The following SEM1 variants were observed in gnomAD, a reference collection of about 807,000 sequenced individuals.
The protein encoded by SEM1 is 26S proteasome complex subunit SEM1.
Under a neutral mutation model 12.7 loss-of-function variants are expected in SEM1, and 3 were observed. The ratio of observed to expected loss-of-function variants is 0.24; its 90% CI spans 0.11 to 0.61. The LOEUF is 0.61. Ranked by LOEUF, SEM1 falls within the 20% of genes least tolerant of loss-of-function variation. The pLI, the probability that SEM1 is intolerant of heterozygous loss-of-function variation, is 0.88. For synonymous variants in SEM1, 30 were observed against 27.8 expected (o/e 1.08, Z -0.25); for missense variants, 59 against 81.3 (o/e 0.73, Z 1.06).
rs556093292 is a variant in SEM1, at chr7:96,505,856, G to C, written c.*60+767C>G. On this transcript the variant is annotated intron_variant and NMD_transcript_variant, in intron 3 of 3. Transcript: ENST00000466986. ...ACCTTGGGAATTAGGATTTCAACCT[G>C]TGAATTCTAGGGGGACACAAACATT... Among the ~76,000 whole-genome samples, 3 of 152,218 alleles carry C rather than the reference G, an allele frequency of 2.0e-5. No individual in the cohort carries two copies. In the East Asian group the frequency reaches 5.8e-4, roughly 29 times the overall value.
intron 2 of SEM1, among the ~76,000 whole-genome samples, chr7:96,572,883 G>A (rs181345089): frequency 8.5e-5 from 13 of 152,256 alleles, no homozygotes; most frequent in Admixed American, 6.5e-4. Flanking sequence ...ACAGTAGGGT[G>A]TTAAAGTCTC....
chr7:96,525,911 G>A (rs1451194039), intron 2 of SEM1, among the ~76,000 whole-genome samples: 1 of 152,130 alleles, frequency 6.6e-6, no homozygotes, highest in Non-Finnish European at 1.5e-5. Flanking sequence ...CTCAGTCCAT[G>A]GAAACATGGT....
At chr7:96,683,986 T>C (rs1349977265), downstream of SEM1, among the ~76,000 whole-genome samples, 2 of 152,026 alleles carry the variant, frequency 1.3e-5, no homozygotes, top group Non-Finnish European at 2.9e-5. Context: ...GTAACAAACT[T>C]GCACATTCTG....
intron 2 of SEM1, among the ~76,000 whole-genome samples, chr7:96,582,717 A>G (rs1486904410): frequency 6.6e-6 from 1 of 152,286 alleles, no homozygotes; most frequent in East Asian, 1.9e-4. Context: ...GCATGTGTCC[A>G]GAAATTTATC....
intron 2 of SEM1, among the ~76,000 whole-genome samples, chr7:96,690,059 T>C (rs1412384657): frequency 1.3e-5 from 2 of 152,158 alleles, no homozygotes; most frequent in Admixed American, 1.3e-4. Flanking sequence ...TAAAAGATTC[T>C]GATGATCACA....
chr7:96,582,641 A>C (rs1046958675), intron 2 of SEM1, among the ~76,000 whole-genome samples: 2 of 152,246 alleles, frequency 1.3e-5, no homozygotes, highest in Admixed American at 1.3e-4. Flanking sequence ...TTATTGCCAC[A>C]ATTTCAGCTC....
intron 3 of SEM1, among the ~76,000 whole-genome samples, chr7:96,502,812 G>A (rs1054446290): frequency 3.9e-5 from 6 of 152,168 alleles, no homozygotes; most frequent in Non-Finnish European, 7.4e-5. Context: ...ATTGTGCTTG[G>A]CACTGGCCAT....
chr7:96,674,121 GTTCT>G (rs1375883539), intron 2 of SEM1, among the ~76,000 whole-genome samples: 3 of 152,032 alleles, frequency 2.0e-5, no homozygotes, highest in Non-Finnish European at 2.9e-5. Flanking sequence ...ACAGAGTCCT[GTTCT>G]TTCTTTAAAA....
At chr7:96,592,394 T>G (rs573507659) in intron 2 of SEM1, among the ~76,000 whole-genome samples, 2 of 152,056 alleles carry the variant, frequency 1.3e-5, no homozygotes, top group Non-Finnish European at 2.9e-5. Flanking sequence ...GAGTCACTTG[T>G]ATGTACAATA....
chr7:96,652,712 A>G (rs1809040170), intron 2 of SEM1, among the ~76,000 whole-genome samples: 2 of 152,220 alleles, frequency 1.3e-5, no homozygotes, highest in East Asian at 1.9e-4. Context: ...AATGAAGTAC[A>G]GTTTTTCCCA....
intron 1 of SEM1, among the ~76,000 whole-genome samples, chr7:96,488,862 T>G (rs1802881201): frequency 6.6e-6 from 1 of 152,066 alleles, no homozygotes; most frequent in Admixed American, 6.5e-5. Context: ...GTAAAAGAAG[T>G]GGCAAGGGGA....
intron 2 of SEM1, among the ~76,000 whole-genome samples, chr7:96,577,747 G>A (rs996186381): frequency 6.6e-6 from 1 of 151,638 alleles, no homozygotes; most frequent in Non-Finnish European, 1.5e-5. Context: ...CTTTAAACTT[G>A]AGCTTCAAAA....
intron 1 of SEM1, chr7:96,708,317 G>C (rs1056387368): frequency 3.3e-5 from 5 of 152,184 alleles, no homozygotes; most frequent in African/African-American, 1.2e-4. Flanking sequence ...AATGTGCTTT[G>C]GGTTAGTTTA....
chr7:96,689,208 T>C (rs1789853201), intron 2 of SEM1, among the ~76,000 whole-genome samples: 1 of 152,156 alleles, frequency 6.6e-6, no homozygotes, highest in African/African-American at 2.4e-5. Context: ...TTAATTTTCT[T>C]ATAAGTCTAT....
At chr7:96,541,047 G>A (rs1804930012) in intron 2 of SEM1, among the ~76,000 whole-genome samples, 2 of 151,786 alleles carry the variant, frequency 1.3e-5, no homozygotes, top group South Asian at 2.1e-4. Context: ...TGATGAATAT[G>A]TGAGTGCCTG....
chr7:96,695,106 A>C (rs1790046803), intron 1 of SEM1: 3 of 354,414 alleles, frequency 8.5e-6, no homozygotes, highest in Non-Finnish European at 1.5e-5. Context: ...TAATACAAAA[A>C]ATTCTACTTG....
chr7:96,703,936 G>A lies in SEM1; in HGVS notation c.76+5752C>T, dbSNP rs77195434. 2.4e-3 allele frequency among the ~76,000 whole-genome samples: 365 copies of A among 151,352 alleles called. 2 individuals are homozygous for A. The highest frequency in any genetic ancestry group is 8.5e-3 in the African/African-American group (350 of 41,198). On this transcript the variant is annotated intron_variant, in intron 1 of 2. Transcript: ENST00000248566. ...ACAGCGCCACTGTACTCCAGCCTGG[G>A]TGACAGAGCACCAGAGCAAGACCTT...
chr7:96,661,483 A>G (rs1584844080), intron 2 of SEM1, among the ~76,000 whole-genome samples: 1 of 152,336 alleles, frequency 6.6e-6, no homozygotes, highest in Non-Finnish European at 1.5e-5. Context: ...ACAATAATTG[A>G]GAGAAAGAAT....
At chr7:96,644,462 G>C (rs1256992312) in intron 2 of SEM1, among the ~76,000 whole-genome samples, 1 of 152,090 alleles carries the variant, frequency 6.6e-6, no homozygotes, top group Non-Finnish European at 1.5e-5. Context: ...AGGTGGAAGA[G>C]GCTACCTCAT....
Sources: allele counts gnomAD v4.1 joint callset (sites outside exome capture counted in the v4.1 genomes callset), GRCh38; gene constraint gnomAD v4.1.1; transcripts MANE v1.5; gene names NCBI Gene and HGNC (gene_info 2026-07-23, HGNC 2026-07-21).